The following NOC3L variants were observed in gnomAD, a reference collection of about 807,000 sequenced individuals.
NOC3L encodes the protein nucleolar complex protein 3 homolog.
A neutral mutation model predicts 102.5 loss-of-function variants in NOC3L; 85 were observed. The observed-to-expected ratio is 0.83, with a 90% CI of 0.70 to 0.99. NOC3L has a LOEUF of 0.99. Ranked by LOEUF, NOC3L falls within the 50% of genes least tolerant of loss-of-function variation. The probability of loss-of-function intolerance (pLI) is 0.00; values close to 1 mark genes in which losing one functional copy is unlikely to be tolerated. For missense variants in NOC3L, 878 were observed against 914.9 expected (o/e 0.96, Z 0.52); for synonymous variants, 303 against 309.4 (o/e 0.98, Z 0.22).
chr10:94,318,589 TA>T, the NOC3L span, among the ~76,000 whole-genome samples: 1 of 152,190 alleles, frequency 6.6e-6, no homozygotes, highest in Admixed American at 6.5e-5. Context: ...CATCCTGTGC[TA>T]CCCAAGCTGA....
the NOC3L span, chr10:94,324,928 G>C: frequency 1.2e-6 from 2 of 1,614,108 alleles, no homozygotes; most frequent in Admixed American, 1.7e-5. Context: ...CATTTCTTTC[G>C]CAAGTGAACT....
chr10:94,334,823 G>A (rs2054200216), intron 19 of NOC3L, 105 bp from the exon 20 acceptor site: 2 of 803,766 alleles, frequency 2.5e-6, no homozygotes, highest in Non-Finnish European at 4.0e-6. Context: ...CATATATTAA[G>A]GTATAAGATT....
chr10:94,320,093 C>T, the NOC3L span, among the ~76,000 whole-genome samples: 5 of 151,876 alleles, frequency 3.3e-5, no homozygotes, highest in South Asian at 2.1e-4. Context: ...GTTTGGGGGA[C>T]AAAGATTATA....
chr10:94,343,475 A>G lies in NOC3L; in HGVS notation c.1571+940T>C, dbSNP rs118066711. 1.8e-3 allele frequency among the ~76,000 whole-genome samples: 275 copies of G among 152,370 alleles called. 1 individual carries two copies. Among genetic ancestry groups the G allele is most frequent in the Admixed American group, 3.3e-3 (51 of 15,308 alleles). On this transcript the variant is annotated intron_variant, in intron 13 of 20. Transcript: ENST00000371361. ...GAAGATTTTTAACCACAAGGACCGT[A>G]TCACCATATAAGGAAATGCATACCA... is the stretch of plus-strand genomic sequence containing the variant.
Position 94,339,900 on chromosome 10 carries a change from C to T in NOC3L, c.1801G>A (p.Glu601Lys). 6.2e-7 allele frequency: 1 copy of T among 1,613,842 alleles called. No individual in the cohort carries two copies. Among genetic ancestry groups the T allele is most frequent in the South Asian group, 1.1e-5 (1 of 90,984 alleles). Residue 601 changes from glutamate to lysine, a missense_variant, in exon 17 of 21, where the codon GAG becomes AAG. Glu to Lys is a moderately conservative substitution (Grantham distance 56). Transcript: ENST00000371361. ...LHAGATNEGV[E>K]IVLQCLDVML... ...ACATCAAGGCACTGGAGTACAATCT[C>T]AACACCTTCATTGGTAGCACCTAAA...
chr10:94,336,269 G>A (rs1304961362), intron 19 of NOC3L, among the ~76,000 whole-genome samples: 1 of 152,138 alleles, frequency 6.6e-6, no homozygotes, highest in East Asian at 1.9e-4. Flanking sequence ...CAGAAGCAGA[G>A]AGGCGCCCTC....
chr10:94,356,717 T>C, intron 4 of NOC3L, 126 bp from the exon 5 acceptor site: 1 of 654,266 alleles, frequency 1.5e-6, no homozygotes, highest in Non-Finnish European at 2.7e-6. Context: ...AGAGCACAAT[T>C]AGTGATTGAG....
the NOC3L span, among the ~76,000 whole-genome samples, chr10:94,322,358 GA>G: frequency 1.4e-5 from 2 of 145,926 alleles, no homozygotes; most frequent in African/African-American, 5.0e-5. Flanking sequence ...GTCTCTAATT[GA>G]AAAAAAAAAC....
rs762295668 is a variant in NOC3L at position 94,341,656 on chromosome 10, AATTT to A, written c.1644+13_1644+16del. On this transcript the variant is annotated intron_variant, in intron 14 of 20. Transcript: ENST00000371361. The stretch of plus-strand genomic sequence containing the variant: ...TTACCATTTATATCTTTTAAAAAAT[AATTT>A]ATTATTACTTACACCAGACTCAATG... The A allele has an allele frequency of 3.3e-5, 43 of 1,312,726 alleles. No homozygotes were observed. In the East Asian group the frequency reaches 7.5e-4, roughly 23 times the overall value. The allele number at this position is 1,312,726 out of a possible 1,614,324, so 81.3% of individuals were successfully genotyped here.
chr10:94,341,567 TA>T, intron 14 of NOC3L, 105 bp downstream of exon 14: 1 of 495,648 alleles, frequency 2.0e-6, no homozygotes, highest in Non-Finnish European at 3.5e-6. Flanking sequence ...ACTGTACATC[TA>T]AAAGGGGTTT....
chr10:94,348,249 T>C (rs1470686215), intron 10 of NOC3L, among the ~76,000 whole-genome samples: 1 of 151,338 alleles, frequency 6.6e-6, no homozygotes, highest in East Asian at 1.9e-4. Flanking sequence ...AATATTTAAA[T>C]ATAAAAATTA....
At chr10:94,360,075 T>C (rs1334218821) in intron 2 of NOC3L, among the ~76,000 whole-genome samples, 2 of 152,138 alleles carry the variant, frequency 1.3e-5, no homozygotes, top group Non-Finnish European at 2.9e-5. Context: ...CCCAGCACTT[T>C]GGGAGGCCAA....
chr10:94,319,110 G>C, the NOC3L span, among the ~76,000 whole-genome samples: 1 of 152,106 alleles, frequency 6.6e-6, no homozygotes, highest in Admixed American at 6.5e-5. Flanking sequence ...CTTCCAAAAG[G>C]CTGGTAAAGG....
intron 5 of NOC3L, 77 bp from the exon 6 acceptor site, chr10:94,355,170 G>GTAA (rs1034046734): frequency 1.3e-5 from 16 of 1,263,162 alleles, no homozygotes; most frequent in South Asian, 1.6e-5. Flanking sequence ...TATTTTTACA[G>GTAA]TAATAATAAT....
intron 19 of NOC3L, among the ~76,000 whole-genome samples, chr10:94,336,496 C>T (rs959365924): frequency 2.6e-5 from 4 of 151,866 alleles, no homozygotes; most frequent in Non-Finnish European, 5.9e-5. Flanking sequence ...TACAGGAACC[C>T]ACCACCACGC....
At chr10:94,359,199 T>TG (rs1487079344) in intron 2 of NOC3L, among the ~76,000 whole-genome samples, 1 of 151,876 alleles carries the variant, frequency 6.6e-6, no homozygotes, top group East Asian at 1.9e-4. Flanking sequence ...CCGAGACGGG[T>TG]GGATTGCTTG....
chr10:94,329,776 CAAAAAAAAAAAAAAAAAAAAAAAAAAA>C (rs71031569), downstream of NOC3L: 2 of 37,942 alleles, frequency 5.3e-5, no homozygotes, highest in Admixed American at 5.3e-4. Context: ...GACTCCGTCT[CAAAAAAAAAAAAAAAAAAAAAAAAAAA>C]AAAAAAAACA....
At chr10:94,339,998 C>T (rs1294427629) in intron 16 of NOC3L, 78 bp from the exon 17 acceptor site, 2 of 1,273,818 alleles carry the variant, frequency 1.6e-6, no homozygotes, top group Non-Finnish European at 2.2e-6. Context: ...TCAGATAAAC[C>T]CAAGATAAAC....
the NOC3L span, among the ~76,000 whole-genome samples, chr10:94,326,617 T>TACA: frequency 1.3e-4 from 20 of 152,338 alleles, no homozygotes; most frequent in South Asian, 4.1e-3. Flanking sequence ...TACAGAAGAA[T>TACA]ACAACTCCAT....
Sources: allele counts gnomAD v4.1 joint callset (sites outside exome capture counted in the v4.1 genomes callset), GRCh38; gene constraint gnomAD v4.1.1; transcripts MANE v1.5; gene names NCBI Gene and HGNC (gene_info 2026-07-23, HGNC 2026-07-21).